VWF: variants seen among roughly 807,000 people sequenced by gnomAD.
VWF encodes the protein Factor VIII related antigen.
A neutral mutation model predicts 308.6 loss-of-function variants in VWF; 176 were observed. The observed-to-expected ratio is 0.57, with a 90% CI of 0.50 to 0.65. The LOEUF is 0.65. VWF is among the 30% of genes least tolerant of loss of function. The pLI, the probability that VWF is intolerant of heterozygous loss-of-function variation, is 0.00. For missense variants in VWF, 3,146 were observed against 3,648.2 expected (o/e 0.86, Z 3.55); for synonymous variants, 1,385 against 1,443.4 (o/e 0.96, Z 0.92).
At chr12:5,952,339 T>A in intron 49 of VWF, 52 bp downstream of exon 49, 1 of 1,611,820 alleles carries the variant, frequency 6.2e-7, no homozygotes, top group Admixed American at 1.7e-5. Flanking sequence ...TTCAGAAGAA[T>A]CTTGTTCTTA....
intron 18 of VWF, among the ~76,000 whole-genome samples, chr12:6,037,400 C>T (rs1159822700): frequency 6.6e-6 from 1 of 152,106 alleles, no homozygotes; most frequent in Non-Finnish European, 1.5e-5. Context: ...AGCCACAGGC[C>T]CCCTCCTGCC....
rs1943357363 is a variant in VWF, at chr12:5,964,226, A to ACATACATACATACATACATGCATG, written c.7887+3259_7887+3260insCATGCATGTATGTATGTATGTATG. On this transcript the variant is annotated intron_variant, in intron 47 of 51. Transcript: ENST00000261405. ...AGAGAGACTCTGTCTAAAAATACATACATACATACATACATACATACATGC... is the reference window on the plus strand; with the variant it reads ...AGAGAGACTCTGTCTAAAAATACATACATACATACATACATACATGCATGCATACATACATACATACATACATGC... Among the ~76,000 whole-genome samples the ACATACATACATACATACATGCATG allele has an allele frequency of 1.6e-3, 206 of 127,802 alleles. 3 individuals are homozygous for ACATACATACATACATACATGCATG. Among genetic ancestry groups the ACATACATACATACATACATGCATG allele is most frequent in the African/African-American group, 6.4e-3 (199 of 31,110 alleles). 83.8% of individuals were successfully genotyped at this position (127,802 alleles called of 152,430 possible).
rs1384882874 is a variant in VWF at position 6,078,846 on chromosome 12, A to G, written c.658-3295T>C. On this transcript the variant is annotated intron_variant, in intron 6 of 51. Coordinates refer to ENST00000261405, the MANE Select transcript of VWF (RefSeq NM_000552.5). The stretch of plus-strand genomic sequence containing the variant: ...AGCATTTCCAAATCACTCTTTTCCC[A>G]CTCAGAGGGATAATGGGAACAGTAC... Among the ~76,000 whole-genome samples the G allele has an allele frequency of 9.9e-5, 15 of 151,898 alleles. 2 individuals carry two copies. The East Asian group carries it at 2.9e-3, about 29-fold the overall frequency.
In VWF at chr12:6,122,259, T is replaced by C. The variant is rs74058559; in HGVS notation, c.55+883A>G. Among the ~76,000 whole-genome samples, 279 of 152,328 alleles carry C rather than the reference T, an allele frequency of 1.8e-3. 3 individuals are homozygous for C. Among genetic ancestry groups the C allele is most frequent in the African/African-American group, 6.5e-3 (269 of 41,562 alleles). On this transcript the variant is annotated intron_variant, in intron 2 of 51. Transcript: ENST00000261405. ...TTGTTAGGTTTCTAGCATTTTTCCA[T>C]GTTTTAATATTATAGATAGATTGCA... is the stretch of plus-strand genomic sequence containing the variant.
At chr12:6,118,969 T>G (rs1342846520) in intron 3 of VWF, among the ~76,000 whole-genome samples, 1 of 152,228 alleles carries the variant, frequency 6.6e-6, no homozygotes, top group African/African-American at 2.4e-5. Flanking sequence ...TTCTTATTTG[T>G]CATGCCCTGG....
chr12:6,092,632 T>TGAGAGAGAGAGAGAGAGAGA (rs1430723950), intron 6 of VWF, among the ~76,000 whole-genome samples: 2 of 66,080 alleles, frequency 3.0e-5, no homozygotes, highest in African/African-American at 2.2e-4. Context: ...TGTGTGTGTG[T>TGAGAGAGAGAGAGAGAGAGA]GTGTGTGTGT....
intron 20 of VWF, 103 bp downstream of exon 20, chr12:6,034,585 A>G (rs1944311236): frequency 6.4e-7 from 1 of 1,571,844 alleles, no homozygotes; most frequent in Non-Finnish European, 8.7e-7. Context: ...ACCAGACCCC[A>G]GAGTTGTTTC....
intron 34 of VWF, among the ~76,000 whole-genome samples, chr12:6,001,886 T>C (rs1233554505): frequency 2.0e-5 from 3 of 152,158 alleles, no homozygotes; most frequent in African/African-American, 7.2e-5. Context: ...CTATTACAGA[T>C]ACTCTCGTCA....
intron 42 of VWF, among the ~76,000 whole-genome samples, chr12:5,977,859 G>C (rs985111933): frequency 6.7e-6 from 1 of 149,538 alleles, no homozygotes; most frequent in Non-Finnish European, 1.5e-5. Flanking sequence ...GACAGAGCAA[G>C]ACCCTATCTC....
intron 21 of VWF, among the ~76,000 whole-genome samples, chr12:6,029,994 G>C (rs1353512988): frequency 1.3e-5 from 2 of 152,174 alleles, no homozygotes; most frequent in African/African-American, 4.8e-5. Flanking sequence ...AAACTGAGGT[G>C]CTCAGTGCTA....
intron 34 of VWF, among the ~76,000 whole-genome samples, chr12:6,003,767 T>C (rs1943897474): frequency 6.6e-6 from 1 of 151,128 alleles, no homozygotes; most frequent in Admixed American, 6.6e-5. Flanking sequence ...GTTCTGGCAA[T>C]GGATGGTGGT....
In VWF at chr12:6,019,285, G is replaced by A. The variant is rs61750073; in HGVS notation, c.4133C>T (p.Ser1378Phe). The A allele has an allele frequency of 4.3e-6, 7 of 1,613,906 alleles. No individual in the cohort carries two copies. The highest frequency in any genetic ancestry group is 5.9e-6 in the Non-Finnish European group (7 of 1,179,840). The part of the protein sequence containing the change: ...IFSKIDRPEA[S>F]RITLLLMASQ... ...GGCCATCAGGAGCAGGGTGATGCGGGAGGCTTCAGGGCGGTCGATCTTGCT... is the reference window on the plus strand; with the variant it reads ...GGCCATCAGGAGCAGGGTGATGCGGAAGGCTTCAGGGCGGTCGATCTTGCT... Residue 1378 changes from serine to phenylalanine, a missense_variant, in exon 28 of 52, where the codon TCC becomes TTC. Ser to Phe is a radical substitution (Grantham distance 155, BLOSUM62 -2). Transcript: ENST00000261405. The surrounding 1 kb of genome is among the most constrained non-coding windows in gnomAD (Gnocchi z 5.8).
intron 10 of VWF, among the ~76,000 whole-genome samples, chr12:6,066,642 G>A (rs986605167): frequency 2.0e-5 from 3 of 152,244 alleles, no homozygotes; most frequent in Admixed American, 6.5e-5. Flanking sequence ...CTAGACCAAC[G>A]TTGGAAAGAC....
At chr12:6,025,849 A>G in intron 23 of VWF, 57 bp downstream of exon 23, 2 of 1,613,050 alleles carry the variant, frequency 1.2e-6, no homozygotes, top group East Asian at 4.5e-5. Context: ...ATGGGGACAG[A>G]GGGACATTCC....
chr12:6,073,486 A>C, intron 8 of VWF, 133 bp downstream of exon 8: 1 of 1,261,998 alleles, frequency 7.9e-7, no homozygotes, highest in Non-Finnish European at 1.1e-6. Context: ...CTGGACAAAG[A>C]CATTTAAAAA....
intron 49 of VWF, 43 bp from the exon 50 acceptor site, chr12:5,951,926 G>C (rs369576215): frequency 6.2e-5 from 100 of 1,610,008 alleles, no homozygotes; most frequent in Non-Finnish European, 8.1e-5. Flanking sequence ...AAACAGTACA[G>C]AGTAGACAGC....
chr12:6,063,188 G>A lies in VWF; in HGVS notation c.1433-134C>T, dbSNP rs145990563. The A allele has an allele frequency of 2.8e-4, 208 of 755,916 alleles. 1 individual carries two copies. The African/African-American group carries it at 3.1e-3, about 11-fold the overall frequency. 46.8% of individuals were successfully genotyped at this position (755,916 alleles called of 1,614,324 possible). Reference sequence around the variant, plus strand: ...AAGAGCAATGACTTAGGGGCAGATGGGGTGGCCATGAGGTTTAAGGGGGTG... The same window carrying A: ...AAGAGCAATGACTTAGGGGCAGATGAGGTGGCCATGAGGTTTAAGGGGGTG... On this transcript the variant is annotated intron_variant, in intron 12 of 51. Transcript: ENST00000261405. The surrounding 1 kb of genome is among the most constrained non-coding windows in gnomAD (Gnocchi z 4.9).
At chr12:6,047,713 G>T (rs1467412144) in intron 16 of VWF, among the ~76,000 whole-genome samples, 2 of 152,202 alleles carry the variant, frequency 1.3e-5, no homozygotes, top group Non-Finnish European at 2.9e-5. Context: ...CACATAGCAT[G>T]CTGTGTTTTG....
In VWF at chr12:6,011,755, C is replaced by T. The variant is rs144757652; in HGVS notation, c.5704G>A (p.Val1902Met). The change falls in exon 34 of 52, where the codon GTG (valine) becomes ATG (methionine). Residue 1902 changes from valine (V) to methionine (M), a missense_variant. This residue lies in a region of VWF where 853 missense variants were observed against 1,177.8 expected (regional missense o/e 0.72). Transcript: ENST00000261405. ...GTCTGGCCATCTGGCTGGCAAGTCACGGTGTGGCACTGGTCTGGCAAGGTC... is the reference window on the plus strand; with the variant it reads ...GTCTGGCCATCTGGCTGGCAAGTCATGGTGTGGCACTGGTCTGGCAAGGTC... ...VWTLPDQCHT[V>M]TCQPDGQTLL... 29 of 1,613,312 alleles carry T rather than the reference C, an allele frequency of 1.8e-5. No homozygotes were observed. Among genetic ancestry groups the T allele is most frequent in the African/African-American group, 9.4e-5 (7 of 74,854 alleles).
Sources: gnomAD v4.1 joint callset for allele counts (sites outside exome capture counted in the v4.1 genomes callset) on GRCh38, gnomAD v4.1.1 for gene constraint, gnomAD v4.1.1 regional missense constraint, Gnocchi (gnomAD v3.1) non-coding constraint, MANE v1.5 for transcripts, NCBI Gene and HGNC (gene_info 2026-07-23, HGNC 2026-07-21) for gene names.